Variants in ACRBP observed in about 807,000 individuals in gnomAD.
ACRBP encodes the protein acrosin binding protein.
A neutral mutation model predicts 69.0 loss-of-function variants in ACRBP; 52 were observed. The ratio of observed to expected loss-of-function variants is 0.75; its 90% confidence interval spans 0.60 to 0.95. ACRBP has a LOEUF of 0.95. ACRBP is among the 40% of genes least tolerant of loss of function. The pLI is 0.00. For missense variants in ACRBP, 604 were observed against 673.0 expected, an observed-to-expected ratio of 0.90 and a Z score of 1.13; for synonymous variants, 267 against 258.9, an observed-to-expected ratio of 1.03 and a Z score of -0.30.
At chr12:6,646,125 A>ATTTTTTTTTTT (rs59626834) in intron 3 of ACRBP, among the ~76,000 whole-genome samples, 9 of 121,428 alleles carry the variant, frequency 7.4e-5, no homozygotes, top group African/African-American at 1.9e-4. Flanking sequence ...AAGCCCGGCT[A>ATTTTTTTTTTT]TTTTTTTTTT....
At chr12:6,644,849 C>T (rs944923374) in intron 4 of ACRBP, among the ~76,000 whole-genome samples, 4 of 152,202 alleles carry the variant, frequency 2.6e-5, no homozygotes, top group African/African-American at 9.6e-5. Flanking sequence ...ACTTCCACCT[C>T]AAATACCACC....
intron 4 of ACRBP, 62 bp downstream of exon 4, chr12:6,645,158 G>T: frequency 7.5e-7 from 1 of 1,332,488 alleles, no homozygotes; most frequent in South Asian, 1.2e-5. Flanking sequence ...GATGCCTTAC[G>T]TTGTGGGCTC....
intron 1 of ACRBP, 109 bp downstream of exon 1, chr12:6,647,215 C>A: frequency 7.4e-7 from 1 of 1,348,688 alleles, no homozygotes; most frequent in Admixed American, 2.6e-5. Flanking sequence ...GGGAGCCGAC[C>A]CAGCGCGACC....
chr12:6,640,095 A>G lies in ACRBP; in HGVS notation c.1390T>C (p.Phe464Leu). 6.2e-7 allele frequency: 1 copy of G among 1,614,128 alleles called. No individual in the cohort carries two copies. The highest frequency in any genetic ancestry group is 8.5e-7 in the Non-Finnish European group (1 of 1,180,014). Residue 464 changes from phenylalanine to leucine, a missense_variant, in exon 8 of 10, where the codon TTC becomes CTC. Phe to Leu is a conservative substitution (Grantham distance 22). Transcript: ENST00000229243. The surrounding 1 kb of genome is among the most constrained non-coding windows in gnomAD (Gnocchi z 5.3). Reference sequence around the variant, plus strand: ...AAATCCCCATCCTGGAAGCTAAGGAACTCAGTCTGGAGCCACCCAGAGACT... The same window carrying G: ...AAATCCCCATCCTGGAAGCTAAGGAGCTCAGTCTGGAGCCACCCAGAGACT... The part of the protein sequence containing the change: ...VRVSGWLQTE[F>L]LSFQDGDFPT...
At chr12:6,647,197 A>G in intron 1 of ACRBP, 127 bp downstream of exon 1, 5 of 1,222,282 alleles carry the variant, frequency 4.1e-6, no homozygotes, top group Non-Finnish European at 2.3e-6. Flanking sequence ...GGAGTATCCC[A>G]GGACCTAGGG....
intron 5 of ACRBP, 31 bp downstream of exon 5, chr12:6,644,106 G>A (rs573482033): frequency 3.2e-6 from 5 of 1,539,774 alleles, no homozygotes; most frequent in African/African-American, 2.8e-5. Flanking sequence ...AGGGAGGGCA[G>A]GGTGGATGAC....
At chr12:6,647,289 G>T in intron 1 of ACRBP, 35 bp downstream of exon 1, 1 of 1,541,100 alleles carries the variant, frequency 6.5e-7, no homozygotes, top group Non-Finnish European at 8.7e-7. Flanking sequence ...GACTAGCCCG[G>T]GGAGAGTCTG....
At position 6,646,951 on chromosome 12, in the gene ACRBP, GC is replaced by G; in HGVS notation, c.104del (p.Gly35AlafsTer16). 4 of 1,613,528 alleles carry G rather than the reference GC, an allele frequency of 2.5e-6. No individual in the cohort carries two copies. The South Asian group carries it at 4.4e-5, about 18-fold the overall frequency. The stretch of plus-strand genomic sequence containing the variant: ...CGTATTCGGTAGGAGAGAGAGGGCT[GC>G]CTGGAGTGGAGGCCTGAGTCGAATC... ...AQDSTQASTPGSPLSPTEYER... is the reference protein window; with the variant it reads ...AQDSTQASTPXSPLSPTEYER... On this transcript the variant is annotated frameshift_variant, in exon 2 of 10. Coordinates refer to ENST00000229243, the MANE Select transcript of ACRBP (RefSeq NM_032489.3). LOFTEE classifies it high-confidence loss of function.
rs1309750463 is a variant in ACRBP, at chr12:6,643,638, C to CA, written c.977dup (p.Val327GlyfsTer36). ...TCTCCACGATCGAATAGCACAGCAC[C>CA]AGCAAGGCCTCTGTGTGGGGCAGCT... On this transcript the variant is annotated frameshift_variant, in exon 6 of 10. Transcript: ENST00000229243. LOFTEE classifies it high-confidence loss of function. 2.6e-5 allele frequency: 42 copies of CA among 1,614,096 alleles called. No homozygotes were observed. The highest frequency in any genetic ancestry group is 4.0e-5 in the African/African-American group (3 of 74,940).
intron 9 of ACRBP, 56 bp downstream of exon 9, chr12:6,638,898 A>G (rs1949030552): frequency 5.0e-6 from 8 of 1,602,646 alleles, no homozygotes; most frequent in South Asian, 1.1e-5. Context: ...TAGACCAGTT[A>G]TGGTGACTGA....
chr12:6,643,689 T>C lies in ACRBP; in HGVS notation c.945-18A>G, dbSNP rs781419975. On this transcript the variant is annotated intron_variant, in intron 5 of 9. Transcript: ENST00000229243. ...GCAGGAGGCTGCAAGAAGACAGCAC[T>C]GAGGGTGGGGCTGGGCCAGGTGGCC... 2 of 1,612,076 alleles carry C rather than the reference T, an allele frequency of 1.2e-6. No individual in the cohort carries two copies. Among genetic ancestry groups the C allele is most frequent in the East Asian group, 2.2e-5 (1 of 44,828 alleles).
At position 6,647,419 on chromosome 12, in the gene ACRBP, C is replaced by T. The variant is rs1186591256; in HGVS notation, c.-53G>A. On this transcript the variant is annotated 5_prime_UTR_variant, in exon 1 of 10. Coordinates refer to ENST00000229243, the MANE Select transcript of ACRBP (RefSeq NM_032489.3). ...TGGACACAAGCCGCCTCTAACGGGC[C>T]AAGCCGCAGAGAGAGCCGCAGGCGC... 9.5e-6 allele frequency: 14 copies of T among 1,473,878 alleles called. No homozygotes were observed. The highest frequency in any genetic ancestry group is 1.3e-5 in the Non-Finnish European group (14 of 1,106,676). The allele number at this position is 1,473,878 out of a possible 1,614,324, so 91.3% of individuals were successfully genotyped here.
chr12:6,646,912 T>G lies in ACRBP; in HGVS notation c.144A>C (p.Ala48=), dbSNP rs745604390. 6.2e-6 allele frequency: 10 copies of G among 1,613,988 alleles called. No homozygotes were observed. The South Asian group carries it at 9.9e-5, about 16-fold the overall frequency. The change falls in exon 2 of 10, where the codon GCA becomes GCC. Residue 48 remains alanine, a synonymous_variant. Coordinates refer to ENST00000229243, the MANE Select transcript of ACRBP (RefSeq NM_032489.3). ...LSPTEYERFF[A]LLTPTWKAET... Reference sequence around the variant, plus strand: ...CTGCCTTCCAGGTTGGAGTCAGCAGTGCGAAGAAGCGTTCGTATTCGGTAG... The same window carrying G: ...CTGCCTTCCAGGTTGGAGTCAGCAGGGCGAAGAAGCGTTCGTATTCGGTAG...
At position 6,643,525 on chromosome 12, in the gene ACRBP, T is replaced by C; in HGVS notation, c.1077+14A>G. ...CCAGTGGCATGTATCCATTAGACAG[T>C]ATGGCTGGCATACCGACTTCCCGAA... On this transcript the variant is annotated intron_variant, in intron 6 of 9. Transcript: ENST00000229243. The C allele has an allele frequency of 6.2e-7, 1 of 1,614,028 alleles. No individual in the cohort carries two copies. Among genetic ancestry groups the C allele is most frequent in the East Asian group, 2.2e-5 (1 of 44,884 alleles).
In ACRBP at chr12:6,646,979, T is replaced by C. The variant is rs11545745; in HGVS notation, c.77A>G (p.Gln26Arg). ...TGGAGTGGAGGCCTGAGTCGAATCCTGGGCTGCGGCAGGTGCCAGAGGCAG... is the reference window on the plus strand; with the variant it reads ...TGGAGTGGAGGCCTGAGTCGAATCCCGGGCTGCGGCAGGTGCCAGAGGCAG... Reference protein sequence around the residue: ...LLLPLAPAAAQDSTQASTPGS... With the variant: ...LLLPLAPAAARDSTQASTPGS... The change falls in exon 2 of 10, where the codon CAG becomes CGG. Residue 26 changes from glutamine (Q) to arginine (R), a missense_variant. Physicochemically the swap from Gln to Arg is conservative, Grantham distance 43 (BLOSUM62 1). Around this residue, in one of 3 missense-constraint regions of ACRBP, gnomAD observed 532 missense variants for 562.9 expected, o/e 0.95. Transcript: ENST00000229243. 6.2e-7 allele frequency: 1 copy of C among 1,612,188 alleles called. No individual in the cohort carries two copies. The highest frequency in any genetic ancestry group is 8.5e-7 in the Non-Finnish European group (1 of 1,179,904).
At position 6,639,053 on chromosome 12, in the gene ACRBP, G is replaced by A; in HGVS notation, c.1426-16C>T. On this transcript the variant is annotated splice_polypyrimidine_tract_variant and intron_variant, in intron 8 of 9. Transcript: ENST00000229243. ...TGTCACAAATCTAAGCCAAGAGCCA[G>A]AGAGAGGGAAGAGGGTATCAGAAGC... The A allele has an allele frequency of 1.9e-6, 3 of 1,609,772 alleles. No individual in the cohort carries two copies. Among genetic ancestry groups the A allele is most frequent in the Non-Finnish European group, 2.6e-6 (3 of 1,176,026 alleles).
Position 6,647,419 on chromosome 12 carries a change from C to G in ACRBP, c.-53G>C. The G allele has an allele frequency of 6.8e-7, 1 of 1,473,994 alleles. No individual in the cohort carries two copies. The highest frequency in any genetic ancestry group is 9.0e-7 in the Non-Finnish European group (1 of 1,106,668). 91.3% of individuals were successfully genotyped at this position (1,473,994 alleles called of 1,614,324 possible). ...TGGACACAAGCCGCCTCTAACGGGC[C>G]AAGCCGCAGAGAGAGCCGCAGGCGC... On this transcript the variant is annotated 5_prime_UTR_variant, in exon 1 of 10. Coordinates refer to ENST00000229243, the MANE Select transcript of ACRBP (RefSeq NM_032489.3).
intron 9 of ACRBP, 159 bp downstream of exon 9, chr12:6,638,795 T>C (rs1377538549): frequency 2.7e-6 from 4 of 1,475,674 alleles, no homozygotes; most frequent in East Asian, 4.9e-5. Flanking sequence ...ACTGGAGGAA[T>C]GGAGGAGAGC....
rs755513976 is a variant in ACRBP at position 6,638,355 on chromosome 12, G to A, written c.1559C>T (p.Pro520Leu). Reference protein sequence around the residue: ...LQNETYSALSPGKSEDVVLRW... With the variant: ...LQNETYSALSLGKSEDVVLRW... ...AAGCACAACGTCCTCACTTTTGCCA[G>A]GGCTCAGCGCACTGTAAGTCTCATT... Residue 520 changes from proline (P) to leucine (L), a missense_variant, in exon 10 of 10, where the codon CCT becomes CTT. By Grantham distance (98) the Pro-to-Leu change is moderately conservative. Coordinates refer to ENST00000229243, the MANE Select transcript of ACRBP (RefSeq NM_032489.3). 3.7e-6 allele frequency: 6 copies of A among 1,614,124 alleles called. No homozygotes were observed. Among genetic ancestry groups the A allele is most frequent in the Non-Finnish European group, 5.1e-6 (6 of 1,180,026 alleles).
Sources: gnomAD v4.1 joint callset for allele counts (sites outside exome capture counted in the v4.1 genomes callset) on GRCh38, gnomAD v4.1.1 for gene constraint, gnomAD v4.1.1 regional missense constraint, Gnocchi (gnomAD v3.1) non-coding constraint, MANE v1.5 for transcripts, NCBI Gene and HGNC (gene_info 2026-07-23, HGNC 2026-07-21) for gene names.